LYPLAL1: variants seen among roughly 807,000 people sequenced by gnomAD.
LYPLAL1 encodes the protein lysophospholipase like 1, also known as lysophospholipase-like protein 1.
In LYPLAL1, 23 loss-of-function variants were observed where a neutral mutation model predicts 19.7. The ratio of observed to expected loss-of-function variants is 1.17; its 90% CI spans 0.84 to 1.65. The LOEUF (loss-of-function observed/expected upper bound fraction) is 1.65. LYPLAL1 is among the 40% of genes most tolerant of loss of function. LYPLAL1 has a pLI of 0.00. For synonymous variants in LYPLAL1, 119 were observed against 96.3 expected (o/e 1.24, Z -1.38); for missense variants, 355 against 279.4 (o/e 1.27, Z -1.93).
At chr1:219,364,408 A>C in the LYPLAL1 span, among the ~76,000 whole-genome samples, 1 of 152,058 alleles carries the variant, frequency 6.6e-6, no homozygotes, top group Non-Finnish European at 1.5e-5. Context: ...TTTGCGTTCT[A>C]GCCTTTGATC....
chr1:219,359,930 T>G, the LYPLAL1 span, among the ~76,000 whole-genome samples: 2 of 152,186 alleles, frequency 1.3e-5, no homozygotes, highest in Non-Finnish European at 2.9e-5. Flanking sequence ...AAGGGAAGTA[T>G]GTGGGTATCT....
rs971531022 is a variant in LYPLAL1 at position 219,175,196 on chromosome 1, A to C, written c.91+1215A>C. 3 of 674,688 alleles carry C rather than the reference A, an allele frequency of 4.4e-6. No homozygotes were observed. In the African/African-American group the frequency reaches 5.9e-5, roughly 13 times the overall value. The allele number at this position is 674,688 out of a possible 1,614,324, so 41.8% of individuals were successfully genotyped here. On this transcript the variant is annotated intron_variant, in intron 1 of 4. Coordinates refer to ENST00000366928, the MANE Select transcript of LYPLAL1 (RefSeq NM_138794.5). The stretch of plus-strand genomic sequence containing the variant: ...TGAGTAGTGGCGGATTTGGGATTAG[A>C]ACCCAAAGCTCTCCGACCTCAAACT...
At chr1:219,385,764 C>G in the LYPLAL1 span, among the ~76,000 whole-genome samples, 2 of 152,102 alleles carry the variant, frequency 1.3e-5, no homozygotes, top group Non-Finnish European at 2.9e-5. Flanking sequence ...TAATTGCACG[C>G]TGTAATTTGC....
At chr1:219,342,960 T>C in the LYPLAL1 span, among the ~76,000 whole-genome samples, 1 of 152,208 alleles carries the variant, frequency 6.6e-6, no homozygotes, top group Non-Finnish European at 1.5e-5. Context: ...GATTGTTTAT[T>C]TCATGGATGA....
At chr1:219,403,605 G>A in the LYPLAL1 span, among the ~76,000 whole-genome samples, 1 of 152,138 alleles carries the variant, frequency 6.6e-6, no homozygotes, top group East Asian at 1.9e-4. Flanking sequence ...GGGAGATTTT[G>A]AGTAGAAAAA....
At chr1:219,254,134 G>T in the LYPLAL1 span, among the ~76,000 whole-genome samples, 1 of 151,898 alleles carries the variant, frequency 6.6e-6, no homozygotes, top group Non-Finnish European at 1.5e-5. Flanking sequence ...TTGCTTGGTA[G>T]GTTTTCCTCT....
chr1:219,419,586 C>CAGAGAGAGAG, the LYPLAL1 span, among the ~76,000 whole-genome samples: 6 of 120,548 alleles, frequency 5.0e-5, no homozygotes, highest in African/African-American at 2.1e-4. Flanking sequence ...CACACACACA[C>CAGAGAGAGAG]ACACACACAG....
the LYPLAL1 span, among the ~76,000 whole-genome samples, chr1:219,315,183 A>G: frequency 1.3e-5 from 2 of 152,206 alleles, no homozygotes; most frequent in Non-Finnish European, 2.9e-5. Flanking sequence ...AAAAAGCGTG[A>G]TATGTTATTA....
At chr1:219,242,804 G>A in the LYPLAL1 span, among the ~76,000 whole-genome samples, 1 of 151,932 alleles carries the variant, frequency 6.6e-6, no homozygotes, top group Non-Finnish European at 1.5e-5. Flanking sequence ...ATTTGGAGAT[G>A]GGCAAATAAC....
At chr1:219,402,027 A>C in the LYPLAL1 span, among the ~76,000 whole-genome samples, 1 of 152,190 alleles carries the variant, frequency 6.6e-6, no homozygotes, top group Non-Finnish European at 1.5e-5. Flanking sequence ...TCTAAGAGAA[A>C]TGTACCCACT....
chr1:219,322,273 C>G, the LYPLAL1 span, among the ~76,000 whole-genome samples: 1 of 152,160 alleles, frequency 6.6e-6, no homozygotes, highest in East Asian at 1.9e-4. Flanking sequence ...CCTCTCAGCT[C>G]TCTCATTTGC....
chr1:219,306,774 A>ATAGG, the LYPLAL1 span, among the ~76,000 whole-genome samples: 1 of 151,300 alleles, frequency 6.6e-6, no homozygotes, highest in African/African-American at 2.4e-5. Flanking sequence ...AGATAGATAG[A>ATAGG]TAGATAGATA....
chr1:219,244,859 A>G, the LYPLAL1 span, among the ~76,000 whole-genome samples: 15 of 146,712 alleles, frequency 1.0e-4, no homozygotes, highest in African/African-American at 3.5e-4. Flanking sequence ...AGGCAGGAGA[A>G]TCGCTTGAAC....
chr1:219,199,983 C>G (rs1469028276), intron 3 of LYPLAL1: 2 of 234,034 alleles, frequency 8.5e-6, no homozygotes, highest in Non-Finnish European at 1.8e-5. Context: ...ATATTAGACA[C>G]CTGGACAGCT....
the LYPLAL1 span, among the ~76,000 whole-genome samples, chr1:219,252,445 G>A: frequency 6.6e-6 from 1 of 151,950 alleles, no homozygotes; most frequent in Non-Finnish European, 1.5e-5. Flanking sequence ...ATTATTTTGA[G>A]GTATGTTCCT....
At chr1:219,443,950 G>A in the LYPLAL1 span, among the ~76,000 whole-genome samples, 2 of 152,106 alleles carry the variant, frequency 1.3e-5, no homozygotes, top group African/African-American at 4.8e-5. Flanking sequence ...ACTCACTCAC[G>A]CTGGGACCAG....
At chr1:219,358,734 G>A in the LYPLAL1 span, among the ~76,000 whole-genome samples, 7 of 152,136 alleles carry the variant, frequency 4.6e-5, no homozygotes, top group African/African-American at 1.7e-4. Flanking sequence ...TCCTCAACAT[G>A]TAGGGATTAC....
At chr1:219,206,665 A>G (rs866395386) in intron 3 of LYPLAL1, among the ~76,000 whole-genome samples, 4 of 151,816 alleles carry the variant, frequency 2.6e-5, no homozygotes, top group Middle Eastern at 3.4e-3. Flanking sequence ...TGTCTGCAGG[A>G]TGCATTTATG....
chr1:219,339,251 T>A, the LYPLAL1 span, among the ~76,000 whole-genome samples: 2 of 151,956 alleles, frequency 1.3e-5, no homozygotes, highest in East Asian at 1.9e-4. Flanking sequence ...GAGTCCCAGA[T>A]CCTCTTCCTC....
Sources: gnomAD v4.1 joint callset for allele counts (sites outside exome capture counted in the v4.1 genomes callset) on GRCh38, gnomAD v4.1.1 for gene constraint, MANE v1.5 for transcripts, NCBI Gene and HGNC (gene_info 2026-07-23, HGNC 2026-07-21) for gene names.